ATP1B3: variants seen among roughly 807,000 people sequenced by gnomAD.
The protein encoded by ATP1B3 is ATPase Na+/K+ transporting subunit beta 3.
Under a neutral mutation model 30.2 loss-of-function variants are expected in ATP1B3, and 10 were observed. That is an observed-to-expected ratio of 0.33 (90% CI 0.20 to 0.56). The LOEUF is 0.56. Among genes scored for constraint, ATP1B3 ranks in the 20% least tolerant of loss-of-function variants. ATP1B3 has a pLI of 0.90. For missense variants in ATP1B3, 238 were observed against 336.7 expected (o/e 0.71, Z 2.29); for synonymous variants, 113 against 117.0 (o/e 0.97, Z 0.22).
chr3:141,906,270 C>T (rs1158532571), intron 2 of ATP1B3, among the ~76,000 whole-genome samples: 1 of 151,880 alleles, frequency 6.6e-6, no homozygotes, highest in African/African-American at 2.4e-5. Context: ...ACCTCTGTCT[C>T]CCAGGTTCAA....
intron 3 of ATP1B3, 66 bp from the exon 4 acceptor site, chr3:141,913,586 T>C: frequency 7.5e-7 from 1 of 1,331,302 alleles, no homozygotes; most frequent in Non-Finnish European, 1.0e-6. Flanking sequence ...CAAAGGTTAA[T>C]ATATTCCTGG....
At chr3:141,898,220 C>T (rs1441887311) in intron 1 of ATP1B3, among the ~76,000 whole-genome samples, 2 of 152,124 alleles carry the variant, frequency 1.3e-5, no homozygotes, top group African/African-American at 2.4e-5. Flanking sequence ...GATATGCCAC[C>T]AAAAGCACAA....
rs763665581 is a variant in ATP1B3, at chr3:141,896,312, T to G, written c.110-7308T>G. ...GGTGAAACCCCATCTCTAGTAAAATTACAAAAAAAAAAAATTTTCTTAAGA... is the reference window on the plus strand; with the variant it reads ...GGTGAAACCCCATCTCTAGTAAAATGACAAAAAAAAAAAATTTTCTTAAGA... On this transcript the variant is annotated intron_variant, in intron 1 of 6. Coordinates refer to ENST00000286371, the MANE Select transcript of ATP1B3 (RefSeq NM_001679.4). 2.1e-5 allele frequency among the ~76,000 whole-genome samples: 3 copies of G among 141,866 alleles called. No homozygotes were observed. The South Asian group carries it at 6.3e-4, about 30-fold the overall frequency. The allele number at this position is 141,866 out of a possible 152,430, so 93.1% of individuals were successfully genotyped here.
At chr3:141,902,175 T>A (rs1160576115) in intron 1 of ATP1B3, 22 of 1,289,690 alleles carry the variant, frequency 1.7e-5, no homozygotes, top group Non-Finnish European at 2.2e-5. Flanking sequence ...TGTCTGAAGG[T>A]GACATCCTGT....
intron 1 of ATP1B3, among the ~76,000 whole-genome samples, chr3:141,881,242 T>C (rs1043979905): frequency 7.3e-5 from 11 of 151,704 alleles, no homozygotes; most frequent in African/African-American, 2.7e-4. Flanking sequence ...AACTATGCCA[T>C]GATGTGTTGT....
chr3:141,918,750 A>T (rs1004037424), intron 5 of ATP1B3: 1 of 151,980 alleles, frequency 6.6e-6, no homozygotes, highest in African/African-American at 2.4e-5. Context: ...TTAAGGTTTT[A>T]AATGCATTTT....
chr3:141,912,132 A>T (rs1172083082), intron 3 of ATP1B3, among the ~76,000 whole-genome samples: 1 of 152,216 alleles, frequency 6.6e-6, no homozygotes, highest in Non-Finnish European at 1.5e-5. Context: ...TTGCTTTTAA[A>T]TGAGTACATA....
At chr3:141,905,851 TAC>T (rs990046919) in intron 2 of ATP1B3, among the ~76,000 whole-genome samples, 3 of 152,150 alleles carry the variant, frequency 2.0e-5, no homozygotes, top group Admixed American at 6.5e-5. Flanking sequence ...TATTTTTAAG[TAC>T]ACAGTTTTTA....
intron 3 of ATP1B3, among the ~76,000 whole-genome samples, chr3:141,908,856 C>T (rs1249181234): frequency 6.6e-6 from 1 of 152,202 alleles, no homozygotes; most frequent in Non-Finnish European, 1.5e-5. Context: ...TCCAGTTTCC[C>T]CATTACCAGT....
chr3:141,877,642 G>C (rs1272476315), intron 1 of ATP1B3: 3 of 150,884 alleles, frequency 2.0e-5, no homozygotes, highest in Admixed American at 6.6e-5. Flanking sequence ...AGTAAATCCT[G>C]TCTGAACAAC....
chr3:141,879,464 T>A (rs922662369), intron 1 of ATP1B3, among the ~76,000 whole-genome samples: 1 of 152,086 alleles, frequency 6.6e-6, no homozygotes, highest in Non-Finnish European at 1.5e-5. Flanking sequence ...ACCTGTGTTA[T>A]CTCTTTTAAA....
intron 1 of ATP1B3, among the ~76,000 whole-genome samples, chr3:141,900,461 A>G (rs994539164): frequency 6.6e-6 from 1 of 152,198 alleles, no homozygotes; most frequent in Non-Finnish European, 1.5e-5. Context: ...TTCTACATGT[A>G]TCCTTTATAA....
intron 1 of ATP1B3, among the ~76,000 whole-genome samples, chr3:141,888,744 A>T (rs755154896): frequency 2.6e-5 from 4 of 152,042 alleles, no homozygotes; most frequent in Non-Finnish European, 4.4e-5. Flanking sequence ...TCTTCTTGAG[A>T]TAGTGAGTAA....
At chr3:141,905,800 C>A (rs1392791088) in intron 2 of ATP1B3, among the ~76,000 whole-genome samples, 3 of 151,422 alleles carry the variant, frequency 2.0e-5, no homozygotes, top group Admixed American at 2.0e-4. Flanking sequence ...ACACTGAACT[C>A]TGTTTATAAT....
At chr3:141,914,399 C>A (rs1229187655) in intron 4 of ATP1B3, among the ~76,000 whole-genome samples, 3 of 152,118 alleles carry the variant, frequency 2.0e-5, no homozygotes, top group Non-Finnish European at 1.5e-5. Context: ...TGCTGTTTTA[C>A]AGAAGGGTGC....
intron 1 of ATP1B3, among the ~76,000 whole-genome samples, chr3:141,897,178 C>T (rs151317367): frequency 6.2e-4 from 94 of 152,304 alleles, no homozygotes; most frequent in African/African-American, 2.1e-3. Flanking sequence ...CTGTGGTACT[C>T]CATCTCATCA....
At chr3:141,892,291 T>C (rs1933968610) in intron 1 of ATP1B3, among the ~76,000 whole-genome samples, 1 of 152,234 alleles carries the variant, frequency 6.6e-6, no homozygotes, top group Non-Finnish European at 1.5e-5. Flanking sequence ...AATTCTAGTT[T>C]GCATACAGTA....
intron 1 of ATP1B3, among the ~76,000 whole-genome samples, chr3:141,878,922 C>A (rs960155174): frequency 6.6e-6 from 1 of 152,186 alleles, no homozygotes; most frequent in Non-Finnish European, 1.5e-5. Context: ...GCTTGCCAGG[C>A]TGTGTATCCT....
chr3:141,907,377 T>G (rs1934282490), intron 3 of ATP1B3, 103 bp downstream of exon 3: 1 of 857,562 alleles, frequency 1.2e-6, no homozygotes, highest in Non-Finnish European at 1.7e-6. Context: ...CCCAGCACTT[T>G]GGGAGGCCGA....
Sources: gnomAD v4.1 joint callset for allele counts (sites outside exome capture counted in the v4.1 genomes callset) on GRCh38, gnomAD v4.1.1 for gene constraint, MANE v1.5 for transcripts, NCBI Gene and HGNC (gene_info 2026-07-23, HGNC 2026-07-21) for gene names.